Variants in TBC1D5 observed in about 807,000 individuals in gnomAD.
TBC1D5 encodes TBC1 domain family member 5, also known as TBC1 domain family, member 5.
In TBC1D5, 75 loss-of-function variants were observed where a neutral mutation model predicts 100.3. That is an observed-to-expected ratio of 0.75 (90% CI 0.62 to 0.91). The LOEUF is 0.91. TBC1D5 is among the 40% of genes least tolerant of loss of function. The pLI is 0.00. For missense variants in TBC1D5, 910 were observed against 942.4 expected (o/e 0.97, Z 0.45); for synonymous variants, 323 against 325.6 (o/e 0.99, Z 0.09).
chr3:17,544,921 G>C (rs935964821), intron 2 of TBC1D5, among the ~76,000 whole-genome samples: 2 of 152,014 alleles, frequency 1.3e-5, no homozygotes, highest in African/African-American at 4.8e-5. Flanking sequence ...ATTACAAAGG[G>C]ACAAATAGCT....
At chr3:17,210,340 A>G (rs1017989805) in intron 18 of TBC1D5, among the ~76,000 whole-genome samples, 1 of 151,940 alleles carries the variant, frequency 6.6e-6, no homozygotes, top group African/African-American at 2.4e-5. Flanking sequence ...GGCACCCGCC[A>G]CCATGCCTGG....
chr3:17,173,494 T>C (rs1036354057), intron 19 of TBC1D5, among the ~76,000 whole-genome samples: 1 of 152,182 alleles, frequency 6.6e-6, no homozygotes, highest in Non-Finnish European at 1.5e-5. Context: ...GCTTGGGTTT[T>C]GATGACCCTG....
intron 15 of TBC1D5, among the ~76,000 whole-genome samples, chr3:17,289,739 A>C (rs1198030981): frequency 6.6e-6 from 1 of 152,188 alleles, no homozygotes; most frequent in Non-Finnish European, 1.5e-5. Flanking sequence ...GAGAAGCCCA[A>C]GGCTCAGCAA....
At chr3:17,225,975 G>GTC (rs1341038761) in intron 17 of TBC1D5, among the ~76,000 whole-genome samples, 1 of 151,982 alleles carries the variant, frequency 6.6e-6, no homozygotes, top group African/African-American at 2.4e-5. Context: ...TTATATAAGA[G>GTC]ACTTGAGCAT....
intron 3 of TBC1D5, among the ~76,000 whole-genome samples, chr3:17,471,349 T>G (rs1217087988): frequency 6.6e-6 from 1 of 152,218 alleles, no homozygotes; most frequent in Non-Finnish European, 1.5e-5. Flanking sequence ...GAAATGGTAT[T>G]AGTATTAATA....
intron 2 of TBC1D5, among the ~76,000 whole-genome samples, chr3:17,558,203 T>G (rs111806196): frequency 1.3e-5 from 2 of 152,190 alleles, no homozygotes; most frequent in African/African-American, 4.8e-5. Flanking sequence ...TCCCAAAACC[T>G]GAGAGGATTT....
intron 13 of TBC1D5, among the ~76,000 whole-genome samples, chr3:17,344,390 C>A (rs1180608443): frequency 1.3e-5 from 2 of 152,058 alleles, no homozygotes; most frequent in Non-Finnish European, 2.9e-5. Context: ...AGGAGAACTA[C>A]AAACCACTGC....
chr3:17,309,085 T>C (rs915322761), intron 13 of TBC1D5, among the ~76,000 whole-genome samples: 2 of 152,038 alleles, frequency 1.3e-5, no homozygotes, highest in Admixed American at 1.3e-4. Context: ...TCCAAATTTT[T>C]AGCACCATCA....
intron 9 of TBC1D5, among the ~76,000 whole-genome samples, chr3:17,380,345 A>T (rs1249880429): frequency 6.6e-6 from 1 of 151,804 alleles, no homozygotes; most frequent in Non-Finnish European, 1.5e-5. Context: ...TAAACTAGGG[A>T]TTTTTTTTCA....
At chr3:17,468,906 C>T (rs2095340736) in intron 3 of TBC1D5, among the ~76,000 whole-genome samples, 1 of 152,128 alleles carries the variant, frequency 6.6e-6, no homozygotes, top group Non-Finnish European at 1.5e-5. Flanking sequence ...CTAGACCCTC[C>T]ACAGAAATCA....
chr3:17,205,143 T>C (rs1168962885), intron 18 of TBC1D5, among the ~76,000 whole-genome samples: 1 of 152,220 alleles, frequency 6.6e-6, no homozygotes, highest in Non-Finnish European at 1.5e-5. Flanking sequence ...CAATAAACTA[T>C]ACTAAATGGG....
At chr3:17,395,357 C>A (rs1220831036) in intron 8 of TBC1D5, among the ~76,000 whole-genome samples, 5 of 151,808 alleles carry the variant, frequency 3.3e-5, no homozygotes, top group African/African-American at 1.2e-4. Flanking sequence ...CAGTGCCAGA[C>A]GAGACTGTGT....
chr3:17,653,696 T>C (rs534998541), intron 1 of TBC1D5, among the ~76,000 whole-genome samples: 9 of 152,130 alleles, frequency 5.9e-5, no homozygotes, highest in Non-Finnish European at 1.2e-4. Context: ...AATAGTACTA[T>C]ACTAACGTTA....
intron 2 of TBC1D5, among the ~76,000 whole-genome samples, chr3:17,533,290 A>T (rs1012728712): frequency 3.3e-5 from 5 of 151,544 alleles, no homozygotes; most frequent in Admixed American, 6.5e-5. Flanking sequence ...GAAAATAAAA[A>T]TACCCAAGCT....
chr3:17,586,190 G>A (rs1054791888), intron 2 of TBC1D5, among the ~76,000 whole-genome samples: 2 of 152,106 alleles, frequency 1.3e-5, no homozygotes, highest in African/African-American at 2.4e-5. Context: ...TGTGTTGGTT[G>A]GCCAACACTA....
In TBC1D5 at chr3:17,218,663, T is replaced by C. The variant is rs565067440; in HGVS notation, c.1589-4293A>G. On this transcript the variant is annotated intron_variant, in intron 17 of 21. Transcript: ENST00000253692. ...GAATTTCTCTTTCCTTTTTGAAGGA[T>C]AGTTTTATTGGATATATAATAGAAT... Among the ~76,000 whole-genome samples, 3 of 152,098 alleles carry C rather than the reference T, an allele frequency of 2.0e-5. No individual in the cohort carries two copies. The East Asian group carries it at 5.8e-4, about 29-fold the overall frequency.
intron 2 of TBC1D5, among the ~76,000 whole-genome samples, chr3:17,595,498 T>C (rs2060504899): frequency 2.0e-5 from 3 of 152,228 alleles, no homozygotes; most frequent in Non-Finnish European, 4.4e-5. Flanking sequence ...ATATTTGCAT[T>C]CTATGTCTTA....
chr3:17,636,787 C>T (rs1356645163), intron 1 of TBC1D5, among the ~76,000 whole-genome samples: 1 of 150,644 alleles, frequency 6.6e-6, no homozygotes, highest in East Asian at 2.0e-4. Context: ...GGAGACAGAG[C>T]GAGACTCCGT....
At chr3:17,357,978 C>T (rs957073019) in intron 13 of TBC1D5, among the ~76,000 whole-genome samples, 2 of 151,916 alleles carry the variant, frequency 1.3e-5, no homozygotes, top group Non-Finnish European at 2.9e-5. Flanking sequence ...TAATATATAC[C>T]AAGCAACAAC....
Sources: allele counts gnomAD v4.1 joint callset (sites outside exome capture counted in the v4.1 genomes callset), GRCh38; gene constraint gnomAD v4.1.1; transcripts MANE v1.5; gene names NCBI Gene and HGNC (gene_info 2026-07-23, HGNC 2026-07-21).